The following SASH1 variants were observed in gnomAD, a reference collection of about 807,000 sequenced individuals.
The protein encoded by SASH1 is SAM and SH3 domain-containing protein 1.
In SASH1, 44 loss-of-function variants were observed where a neutral mutation model predicts 125.2. The observed-to-expected ratio is 0.35, with a 90% confidence interval of 0.28 to 0.45. SASH1 has a LOEUF of 0.45. Among genes scored for constraint, SASH1 ranks in the 20% least tolerant of loss-of-function variants. The pLI is 1.00. For missense variants in SASH1, 1,426 were observed against 1,614.5 expected, an observed-to-expected ratio of 0.88 and a Z score of 2.00; for synonymous variants, 639 against 649.1, an observed-to-expected ratio of 0.98 and a Z score of 0.24.
chr6:148,324,243 G>A (rs957630345), intron 1 of SASH1, among the ~76,000 whole-genome samples: 1 of 152,072 alleles, frequency 6.6e-6, no homozygotes, highest in African/African-American at 2.4e-5. Flanking sequence ...ATCATTTAAG[G>A]ATTCCTTTGT....
intron 8 of SASH1, chr6:148,513,614 G>A (rs1780273695): frequency 1.0e-6 from 1 of 985,704 alleles, no homozygotes. Flanking sequence ...TGAGCATGCT[G>A]ACTCCCTGCA....
chr6:148,300,893 G>C (rs538136736), intron 1 of SASH1, among the ~76,000 whole-genome samples: 2 of 152,276 alleles, frequency 1.3e-5, no homozygotes, highest in South Asian at 4.1e-4. Context: ...TTTTACTGTA[G>C]AGAAGAAAAG....
the SASH1 span, among the ~76,000 whole-genome samples, chr6:148,216,361 G>T: frequency 3.8e-4 from 58 of 152,156 alleles, 1 homozygote; most frequent in East Asian, 0.011. Context: ...TCTGTACTTC[G>T]TTGTGCTTGT....
intron 7 of SASH1, among the ~76,000 whole-genome samples, chr6:148,486,981 ATATATATATATATGTATTTGCT>A (rs1778886424): frequency 2.0e-5 from 1 of 50,918 alleles, no homozygotes; most frequent in African/African-American, 6.0e-5. Flanking sequence ...ATATATATAT[ATATATATATATATGTATTTGCT>A]TATATATATG....
intron 1 of SASH1, among the ~76,000 whole-genome samples, chr6:148,369,401 A>G (rs1487847898): frequency 2.0e-5 from 3 of 152,168 alleles, no homozygotes; most frequent in Non-Finnish European, 4.4e-5. Context: ...ATAGTTTAAG[A>G]GTTGGTCATC....
intron 1 of SASH1, among the ~76,000 whole-genome samples, chr6:148,335,612 G>A (rs1352582124): frequency 1.3e-5 from 2 of 152,162 alleles, no homozygotes; most frequent in Non-Finnish European, 2.9e-5. Context: ...AAGGAGCAGG[G>A]AGGGAGGGTT....
the SASH1 span, among the ~76,000 whole-genome samples, chr6:148,228,862 G>A: frequency 3.6e-4 from 55 of 152,210 alleles, no homozygotes; most frequent in Admixed American, 7.9e-4. Flanking sequence ...TTGGCTGGGC[G>A]CAGTGGCTCA....
At position 148,511,324 on chromosome 6, in the gene SASH1, TACACACACACACACACACACAC is replaced by T. The variant is rs58822082; in HGVS notation, c.730-2971_730-2950del. 1.3e-3 allele frequency among the ~76,000 whole-genome samples: 170 copies of T among 135,462 alleles called. 2 individuals are homozygous for T. Among genetic ancestry groups the T allele is most frequent in the African/African-American group, 4.2e-3 (151 of 35,806 alleles). 88.9% of individuals were successfully genotyped at this position (135,462 alleles called of 152,430 possible). A position where few individuals can be genotyped will look rare whatever the true frequency, so the allele number is the denominator to read the frequency against. On this transcript the variant is annotated intron_variant, in intron 8 of 19. Coordinates refer to ENST00000367467, the MANE Select transcript of SASH1 (RefSeq NM_015278.5). ...GCTGACTTCTAGGTTAATTTTCTAT[TACACACACACACACACACACAC>T]ACACACACACACACACACACACACA...
the SASH1 span, among the ~76,000 whole-genome samples, chr6:148,254,699 A>G: frequency 6.6e-6 from 1 of 152,180 alleles, no homozygotes; most frequent in Non-Finnish European, 1.5e-5. Context: ...TTTTTTAAAA[A>G]GATAGTGATG....
intron 4 of SASH1, among the ~76,000 whole-genome samples, chr6:148,445,907 C>T (rs1230700967): frequency 6.6e-6 from 1 of 151,910 alleles, no homozygotes; most frequent in East Asian, 1.9e-4. Context: ...CACGAGCTTA[C>T]GTTTGAAGGC....
At chr6:148,481,183 T>C (rs1282723873) in intron 7 of SASH1, among the ~76,000 whole-genome samples, 2 of 151,686 alleles carry the variant, frequency 1.3e-5, no homozygotes, top group African/African-American at 4.8e-5. Context: ...AAAAAAATAG[T>C]TTCTGGATTT....
chr6:148,206,542 C>G, the SASH1 span, among the ~76,000 whole-genome samples: 1 of 152,226 alleles, frequency 6.6e-6, no homozygotes, highest in South Asian at 2.1e-4. Flanking sequence ...GTAATCCCAG[C>G]ACTTTAGGAG....
intron 1 of SASH1, among the ~76,000 whole-genome samples, chr6:148,336,476 C>G (rs559925660): frequency 6.6e-6 from 1 of 152,248 alleles, no homozygotes. Flanking sequence ...CCATGCCCGG[C>G]CCTGAAACTG....
At chr6:148,295,089 C>T (rs893267906) in intron 1 of SASH1, among the ~76,000 whole-genome samples, 1 of 152,138 alleles carries the variant, frequency 6.6e-6, no homozygotes, top group Non-Finnish European at 1.5e-5. Flanking sequence ...CACACACACA[C>T]ATACACACCC....
chr6:148,519,719 G>C lies in SASH1; in HGVS notation c.1035G>C (p.Gly345=), dbSNP rs1780685805. The change falls in exon 10 of 20, where the codon GGG becomes GGC. Residue 345 remains glycine (G), a synonymous_variant. Transcript: ENST00000367467. This position sits in a 1 kb window ranked among gnomAD's most constrained non-coding sequence, Gnocchi z 4.8. The part of the protein sequence containing the change: ...SPSSSSLDTW[G]AGRKLVKTFS... ...CCTCCAGCAGCCTGGACACCTGGGG[G>C]GCTGGCCGGAAGTTGGTCAAAACCT... 6.2e-7 allele frequency: 1 copy of C among 1,613,942 alleles called. No homozygotes were observed. The highest frequency in any genetic ancestry group is 1.3e-5 in the African/African-American group (1 of 74,852).
intron 1 of SASH1, among the ~76,000 whole-genome samples, chr6:148,366,062 G>C (rs189262842): frequency 2.6e-5 from 4 of 151,894 alleles, no homozygotes; most frequent in African/African-American, 9.7e-5. Context: ...GCGGTGAGCC[G>C]AGGTGGCACC....
intron 1 of SASH1, among the ~76,000 whole-genome samples, chr6:148,299,675 A>G (rs972204318): frequency 6.8e-6 from 1 of 148,062 alleles, no homozygotes; most frequent in African/African-American, 2.6e-5. Context: ...TCAAAAGAAA[A>G]AAAAAAAAAA....
At chr6:148,308,773 C>T (rs1239218195) in intron 1 of SASH1, among the ~76,000 whole-genome samples, 1 of 151,168 alleles carries the variant, frequency 6.6e-6, no homozygotes, top group African/African-American at 2.4e-5. Flanking sequence ...TAGAATTGTT[C>T]CTTGTCAGTC....
chr6:148,344,155 G>A (rs1781440657), intron 1 of SASH1, among the ~76,000 whole-genome samples: 1 of 152,124 alleles, frequency 6.6e-6, no homozygotes, highest in Non-Finnish European at 1.5e-5. Flanking sequence ...AAACTCTTGG[G>A]CTTCAAAGTA....
Sources: gnomAD v4.1 joint callset for allele counts (sites outside exome capture counted in the v4.1 genomes callset) on GRCh38, gnomAD v4.1.1 for gene constraint, Gnocchi (gnomAD v3.1) non-coding constraint, MANE v1.5 for transcripts, NCBI Gene and HGNC (gene_info 2026-07-23, HGNC 2026-07-21) for gene names.